RNF212: variants seen among roughly 807,000 people sequenced by gnomAD.
RNF212 encodes the protein probable E3 SUMO-protein ligase RNF212.
In RNF212, 33 loss-of-function variants were observed where a neutral mutation model predicts 34.7. The observed-to-expected ratio is 0.95, with a 90% CI of 0.72 to 1.27. The LOEUF (loss-of-function observed/expected upper bound fraction) is 1.27. Among genes scored for constraint, RNF212 ranks in the 50% most tolerant of loss-of-function variants. RNF212 has a pLI of 0.00. For missense variants in RNF212, 377 were observed against 362.2 expected, an observed-to-expected ratio of 1.04 and a Z score of -0.33; for synonymous variants, 140 against 136.1, an observed-to-expected ratio of 1.03 and a Z score of -0.20.
In RNF212 at chr4:1,057,831, G is replaced by A. The variant is rs546467357; in HGVS notation, n.220+490C>T. On this transcript the variant is annotated intron_variant and non_coding_transcript_variant, in intron 4 of 4. Transcript: ENST00000503206. ...TGTAATCCCAGCACCTTGGGAGGCCGAGGCAGGCAGATCACCTGAGGTCGG... is the reference window on the plus strand; with the variant it reads ...TGTAATCCCAGCACCTTGGGAGGCCAAGGCAGGCAGATCACCTGAGGTCGG... Among the ~76,000 whole-genome samples, 221 of 152,344 alleles carry A rather than the reference G, an allele frequency of 1.5e-3. 1 individual carries two copies. The highest frequency in any genetic ancestry group is 5.1e-3 in the African/African-American group (212 of 41,578).
At chr4:1,102,749 G>T (rs1724202359) in intron 2 of RNF212, among the ~76,000 whole-genome samples, 1 of 151,336 alleles carries the variant, frequency 6.6e-6, no homozygotes, top group East Asian at 2.0e-4. Context: ...CTACTCGGGA[G>T]GCTGAGGCAG....
chr4:1,071,290 T>G (rs894982828), downstream of RNF212, among the ~76,000 whole-genome samples: 2 of 152,094 alleles, frequency 1.3e-5, no homozygotes, highest in African/African-American at 4.8e-5. Context: ...TTTAAAATAC[T>G]ATTCTTACAA....
chr4:1,089,704 G>A lies in RNF212; in HGVS notation c.303+1078C>T, dbSNP rs559239175. Among the ~76,000 whole-genome samples the A allele has an allele frequency of 4.6e-4, 67 of 144,742 alleles. 1 individual carries two copies. The highest frequency in any genetic ancestry group is 4.4e-3 in the Admixed American group (66 of 15,040). The allele number at this position is 144,742 out of a possible 152,430, so 95.0% of individuals were successfully genotyped here. On this transcript the variant is annotated intron_variant, in intron 4 of 9. Coordinates refer to ENST00000433731, the MANE Select transcript of RNF212 (RefSeq NM_001131034.4). Reference sequence around the variant, plus strand: ...GGGAGGGATCCGGTGGGAAGTGATTGGATCATGGGGGCAGTTTCCCCCGTG... The same window carrying A: ...GGGAGGGATCCGGTGGGAAGTGATTAGATCATGGGGGCAGTTTCCCCCGTG...
chr4:1,072,695 G>T lies in RNF212; in HGVS notation c.*179C>A. 7.5e-7 allele frequency: 1 copy of T among 1,335,730 alleles called. No homozygotes were observed. The allele number at this position is 1,335,730 out of a possible 1,614,324, so 82.7% of individuals were successfully genotyped here. On this transcript the variant is annotated 3_prime_UTR_variant, in exon 10 of 10. Coordinates refer to ENST00000433731, the MANE Select transcript of RNF212 (RefSeq NM_001131034.4). ...ATATATATGAGTACATAAAAATATTGTCTCTAAAATTCAAAGGTCAAATAT... is the reference window on the plus strand; with the variant it reads ...ATATATATGAGTACATAAAAATATTTTCTCTAAAATTCAAAGGTCAAATAT...
At chr4:1,074,387 TGCC>T (rs1204343014) in intron 8 of RNF212, among the ~76,000 whole-genome samples, 14 of 152,204 alleles carry the variant, frequency 9.2e-5, no homozygotes, top group Non-Finnish European at 1.9e-4. Flanking sequence ...CCTCAGGCTC[TGCC>T]GCCATCAACT....
In RNF212 at chr4:1,092,164, G is replaced by A. The variant is rs137978316; in HGVS notation, c.247-1326C>T. 1.9e-3 allele frequency among the ~76,000 whole-genome samples: 284 copies of A among 152,340 alleles called. 1 individual carries two copies. The highest frequency in any genetic ancestry group is 6.5e-3 in the African/African-American group (269 of 41,568). On this transcript the variant is annotated intron_variant, in intron 3 of 9. Transcript: ENST00000433731. ...CTCTGCTTCTCAGCTTCACATGTTC[G>A]TGGAGGAACCTACCAGCAGACGCGC...
At chr4:1,063,809 G>A (rs1717909740) in intron 3 of RNF212, among the ~76,000 whole-genome samples, 1 of 151,836 alleles carries the variant, frequency 6.6e-6, no homozygotes, top group South Asian at 2.1e-4. Context: ...AGGAGGTCCA[G>A]GCTGCAGTGA....
intron 3 of RNF212, among the ~76,000 whole-genome samples, chr4:1,065,697 G>A (rs1718046607): frequency 6.6e-6 from 1 of 151,900 alleles, no homozygotes; most frequent in Non-Finnish European, 1.5e-5. Context: ...CTCCACCTCG[G>A]CCTCTCAGCT....
At chr4:1,058,170 T>G (rs1717461351) in intron 4 of RNF212, among the ~76,000 whole-genome samples, 1 of 150,734 alleles carries the variant, frequency 6.6e-6, no homozygotes, top group Non-Finnish European at 1.5e-5. Context: ...ACTAATTCTC[T>G]CTGGTGAGTG....
At chr4:1,071,113 ATTTG>A (rs1482812026), downstream of RNF212, among the ~76,000 whole-genome samples, 1 of 151,194 alleles carries the variant, frequency 6.6e-6, no homozygotes, top group Non-Finnish European at 1.5e-5. Context: ...TAAAAAACTA[ATTTG>A]TTTTTTTAAA....
chr4:1,082,735 G>A (rs548538371), intron 5 of RNF212, among the ~76,000 whole-genome samples: 1 of 152,324 alleles, frequency 6.6e-6, no homozygotes, highest in South Asian at 2.1e-4. Context: ...GGGCGTGTTT[G>A]GCTTACTCCG....
At chr4:1,058,275 CGGGGG>C in intron 4 of RNF212, 4 of 672,660 alleles carry the variant, frequency 5.9e-6, no homozygotes, top group Non-Finnish European at 7.3e-6. Flanking sequence ...AAGGTGCTTG[CGGGGG>C]TTAGAACGCA....
chr4:1,082,375 T>A (rs550783490), intron 5 of RNF212, among the ~76,000 whole-genome samples: 12 of 152,040 alleles, frequency 7.9e-5, no homozygotes, highest in Non-Finnish European at 1.5e-4. Context: ...CACGTAAGAC[T>A]GGGGGAGCGT....
At chr4:1,104,374 C>T (rs1724486065) in intron 2 of RNF212, among the ~76,000 whole-genome samples, 1 of 152,222 alleles carries the variant, frequency 6.6e-6, no homozygotes, top group South Asian at 2.1e-4. Context: ...CAGTGGGTGG[C>T]CTTCCATACA....
intron 7 of RNF212, 78 bp from the exon 8 acceptor site, chr4:1,079,766 C>A: frequency 1.1e-6 from 1 of 939,620 alleles, no homozygotes. Flanking sequence ...ACACACATGA[C>A]GAGATGATGT....
chr4:1,112,766 G>A (rs1225580268), intron 1 of RNF212, among the ~76,000 whole-genome samples: 2 of 76,046 alleles, frequency 2.6e-5, no homozygotes, highest in African/African-American at 5.3e-5. Flanking sequence ...CCTCCCCCAC[G>A]CCCTCCTCCC....
At chr4:1,093,122 G>A (rs1472857247) in intron 3 of RNF212, among the ~76,000 whole-genome samples, 1 of 152,162 alleles carries the variant, frequency 6.6e-6, no homozygotes, top group Non-Finnish European at 1.5e-5. Flanking sequence ...GGTGGACCAG[G>A]GCAGGCAGTG....
chr4:1,080,135 T>C (rs566173947), intron 7 of RNF212, among the ~76,000 whole-genome samples: 1 of 152,336 alleles, frequency 6.6e-6, no homozygotes, highest in African/African-American at 2.4e-5. Context: ...TACGCACTAG[T>C]TCCTTCATTT....
chr4:1,056,669 A>C (rs1717346408), intron 4 of RNF212, among the ~76,000 whole-genome samples: 1 of 152,276 alleles, frequency 6.6e-6, no homozygotes, highest in African/African-American at 2.4e-5. Flanking sequence ...AATGAATATA[A>C]AAGTGAACAT....
Sources: allele counts gnomAD v4.1 joint callset (sites outside exome capture counted in the v4.1 genomes callset), GRCh38; gene constraint gnomAD v4.1.1; transcripts MANE v1.5; gene names NCBI Gene and HGNC (gene_info 2026-07-23, HGNC 2026-07-21).